Variants in ARMC9 observed in about 807,000 individuals in gnomAD.
The protein encoded by ARMC9 is lisH domain-containing protein ARMC9.
Under a neutral mutation model 107.0 loss-of-function variants are expected in ARMC9, and 94 were observed. That is an observed-to-expected ratio of 0.88 (90% CI 0.74 to 1.04). ARMC9 has a LOEUF of 1.04. ARMC9 is among the 50% of genes least tolerant of loss of function. The pLI is 0.00. For missense variants in ARMC9, 942 were observed against 1,030.1 expected, an observed-to-expected ratio of 0.91 and a Z score of 1.17; for synonymous variants, 380 against 396.9, an observed-to-expected ratio of 0.96 and a Z score of 0.51.
intron 19 of ARMC9, among the ~76,000 whole-genome samples, chr2:231,321,738 C>T (rs538962110): frequency 2.6e-5 from 4 of 152,212 alleles, no homozygotes; most frequent in Non-Finnish European, 5.9e-5. Flanking sequence ...GCCCTGATTT[C>T]GGTTACCCTC....
At chr2:231,289,110 G>A (rs28541349) in intron 17 of ARMC9, among the ~76,000 whole-genome samples, 43,551 of 152,086 alleles carry the variant, frequency 0.29, 6,600 homozygotes, top group African/African-American at 0.33. Flanking sequence ...AGATGTGGTT[G>A]TTCTATGACT....
At chr2:231,225,110 C>T (rs941414617) in intron 6 of ARMC9, among the ~76,000 whole-genome samples, 9 of 152,102 alleles carry the variant, frequency 5.9e-5, no homozygotes, top group African/African-American at 2.2e-4. Context: ...AACTATATTC[C>T]TTATAGAAAA....
At chr2:231,235,425 A>G (rs940772920) in intron 8 of ARMC9, 44 bp downstream of exon 8, 2 of 1,609,954 alleles carry the variant, frequency 1.2e-6, no homozygotes, top group Non-Finnish European at 1.7e-6. Context: ...TTGGCAATGA[A>G]GAAGGCTTAT....
At chr2:231,301,138 C>T (rs191707400) in intron 19 of ARMC9, among the ~76,000 whole-genome samples, 8 of 152,290 alleles carry the variant, frequency 5.3e-5, no homozygotes, top group African/African-American at 1.9e-4. Context: ...AATGAGATAA[C>T]ATAGAGATAG....
chr2:231,260,725 C>T (rs2038256060), intron 11 of ARMC9, among the ~76,000 whole-genome samples: 1 of 152,146 alleles, frequency 6.6e-6, no homozygotes, highest in South Asian at 2.1e-4. Context: ...TGCTCAAGCT[C>T]TCAAACTCAT....
intron 9 of ARMC9, among the ~76,000 whole-genome samples, chr2:231,252,545 C>T (rs972185948): frequency 6.6e-6 from 1 of 152,222 alleles, no homozygotes; most frequent in African/African-American, 2.4e-5. Flanking sequence ...CCACCGCTCC[C>T]AGCCATGCTA....
intron 7 of ARMC9, among the ~76,000 whole-genome samples, chr2:231,232,848 ATTAT>A (rs1357834477): frequency 2.0e-5 from 3 of 151,892 alleles, no homozygotes; most frequent in South Asian, 2.1e-4. Flanking sequence ...TGGGTTTTTA[ATTAT>A]TTATTTATTT....
chr2:231,245,102 G>A (rs1250552033), intron 9 of ARMC9, among the ~76,000 whole-genome samples: 1 of 152,196 alleles, frequency 6.6e-6, no homozygotes, highest in Non-Finnish European at 1.5e-5. Flanking sequence ...TATAAGGACG[G>A]TATTCATTTC....
intron 19 of ARMC9, among the ~76,000 whole-genome samples, chr2:231,304,668 A>T (rs1408729911): frequency 2.6e-5 from 4 of 152,200 alleles, no homozygotes; most frequent in South Asian, 4.1e-4. Context: ...AAGTGCTGGG[A>T]TTACAGGTGT....
At chr2:231,275,884 C>T (rs994024438) in intron 14 of ARMC9, among the ~76,000 whole-genome samples, 4 of 151,982 alleles carry the variant, frequency 2.6e-5, no homozygotes, top group Non-Finnish European at 5.9e-5. Context: ...ACCCAGGAGG[C>T]GGAGGTTGCG....
chr2:231,235,449 G>A, intron 8 of ARMC9, 68 bp downstream of exon 8: 2 of 1,543,600 alleles, frequency 1.3e-6, no homozygotes, highest in East Asian at 4.6e-5. Context: ...CATGGACTAT[G>A]TTGATATGGC....
At chr2:231,223,440 C>T (rs1236344455) in intron 6 of ARMC9, among the ~76,000 whole-genome samples, 1 of 152,140 alleles carries the variant, frequency 6.6e-6, no homozygotes, top group Non-Finnish European at 1.5e-5. Context: ...AACGTTAGGT[C>T]ACCCAACCCA....
In ARMC9 at chr2:231,282,398, T is replaced by C. The variant is rs115695186; in HGVS notation, c.1626+265T>C. Among the ~76,000 whole-genome samples the C allele has an allele frequency of 4.8e-3, 734 of 152,340 alleles. 6 individuals are homozygous for C. Among genetic ancestry groups the C allele is most frequent in the African/African-American group, 0.016 (682 of 41,562 alleles). On this transcript the variant is annotated intron_variant, in intron 17 of 24. Transcript: ENST00000611582. ...CAGCAGGCTGACTTTTGCAAAGTTA[T>C]AGACATTCTGATGGCAACCAAATGG...
At chr2:231,226,266 C>T (rs1335565821) in intron 6 of ARMC9, among the ~76,000 whole-genome samples, 1 of 152,188 alleles carries the variant, frequency 6.6e-6, no homozygotes, top group Non-Finnish European at 1.5e-5. Flanking sequence ...TGTTAAGTAA[C>T]TGTCTTCAGT....
intron 23 of ARMC9, among the ~76,000 whole-genome samples, chr2:231,368,014 T>C (rs2045883056): frequency 6.6e-6 from 1 of 151,688 alleles, no homozygotes; most frequent in African/African-American, 2.4e-5. Flanking sequence ...ATAAGTTAAC[T>C]ATTATAATAA....
intron 9 of ARMC9, among the ~76,000 whole-genome samples, chr2:231,246,883 C>G (rs1299524210): frequency 1.3e-5 from 2 of 152,052 alleles, no homozygotes; most frequent in Non-Finnish European, 2.9e-5. Flanking sequence ...GCTTCGACCT[C>G]CTGGGCTCAG....
In ARMC9 at chr2:231,374,109, A is replaced by G. The variant is rs557619445; in HGVS notation, c.*2574A>G. 1 of 152,296 alleles carries G rather than the reference A, an allele frequency of 6.6e-6. No individual in the cohort carries two copies. 9.4% of individuals were successfully genotyped at this position (152,296 alleles called of 1,614,324 possible). A position where few individuals can be genotyped will look rare whatever the true frequency, so the allele number is the denominator to read the frequency against. On this transcript the variant is annotated 3_prime_UTR_variant, in exon 25 of 25. Transcript: ENST00000611582. ...ATATTCCAACTATCTACCAGCTCCA[A>G]TGAGCTTGCTGAGGATGGGTATGAC...
intron 20 of ARMC9, among the ~76,000 whole-genome samples, chr2:231,332,672 G>A (rs1454030568): frequency 6.6e-6 from 1 of 152,184 alleles, no homozygotes; most frequent in African/African-American, 2.4e-5. Context: ...GGATAGCAGT[G>A]CCAGGGCCCG....
chr2:231,273,158 A>G, intron 14 of ARMC9, 80 bp downstream of exon 14: 14 of 1,534,546 alleles, frequency 9.1e-6, no homozygotes, highest in Non-Finnish European at 1.2e-5. Context: ...CAGGAGGCAG[A>G]TGGTATTTTT....
Sources: allele counts gnomAD v4.1 joint callset (sites outside exome capture counted in the v4.1 genomes callset), GRCh38; gene constraint gnomAD v4.1.1; transcripts MANE v1.5; gene names NCBI Gene and HGNC (gene_info 2026-07-23, HGNC 2026-07-21).